The following FSTL5 variants were observed in gnomAD, a reference collection of about 807,000 sequenced individuals.
The protein encoded by FSTL5 is follistatin like 5.
A neutral mutation model predicts 89.1 loss-of-function variants in FSTL5; 62 were observed. The observed-to-expected ratio is 0.70, with a 90% CI of 0.57 to 0.86. FSTL5 has a LOEUF of 0.86. FSTL5 is among the 40% of genes least tolerant of loss of function. FSTL5 has a pLI of 0.00. For synonymous variants in FSTL5, 383 were observed against 346.2 expected (o/e 1.11, Z -1.18); for missense variants, 1,057 against 1,001.6 (o/e 1.06, Z -0.75).
Position 161,784,332 on chromosome 4 carries a change from T to C in FSTL5, c.410-8258A>G, listed in dbSNP as rs137857539. On this transcript the variant is annotated intron_variant, in intron 4 of 15. Coordinates refer to ENST00000306100, the MANE Select transcript of FSTL5 (RefSeq NM_020116.5). The stretch of plus-strand genomic sequence containing the variant: ...TTGTTAATTTTGATTTGTAATTCTG[T>C]GAATTTATATGACTTTTGGTAGTAA... 2.4e-4 allele frequency among the ~76,000 whole-genome samples: 37 copies of C among 152,270 alleles called. 1 individual carries two copies. The East Asian group carries it at 4.6e-3, about 19-fold the overall frequency.
chr4:161,605,108 T>A (rs1460117924), intron 7 of FSTL5, among the ~76,000 whole-genome samples: 11 of 152,182 alleles, frequency 7.2e-5, no homozygotes, highest in Admixed American at 7.2e-4. Context: ...GTACTCATTT[T>A]ATATCCTACT....
chr4:161,532,907 A>G (rs1731468477), intron 10 of FSTL5, among the ~76,000 whole-genome samples: 1 of 152,196 alleles, frequency 6.6e-6, no homozygotes, highest in African/African-American at 2.4e-5. Context: ...AGAAAATAGA[A>G]ATCAATACCA....
At chr4:161,613,536 G>A (rs1369875416) in intron 7 of FSTL5, among the ~76,000 whole-genome samples, 1 of 152,006 alleles carries the variant, frequency 6.6e-6, no homozygotes, top group Non-Finnish European at 1.5e-5. Flanking sequence ...AAGGCAGGAA[G>A]AGGGCGATTA....
intron 10 of FSTL5, among the ~76,000 whole-genome samples, chr4:161,527,107 T>C (rs1432308374): frequency 6.6e-6 from 1 of 152,214 alleles, no homozygotes; most frequent in East Asian, 1.9e-4. Context: ...TTGTGTCCTC[T>C]TTTATTTCAT....
chr4:161,521,708 G>A (rs905702545), intron 10 of FSTL5, among the ~76,000 whole-genome samples: 1 of 151,676 alleles, frequency 6.6e-6, no homozygotes, highest in Non-Finnish European at 1.5e-5. Context: ...AATTAGCCAG[G>A]CTTGGTGGCA....
intron 8 of FSTL5, among the ~76,000 whole-genome samples, chr4:161,556,723 A>G (rs758395525): frequency 2.4e-4 from 36 of 151,258 alleles, no homozygotes; most frequent in Non-Finnish European, 1.3e-4. Flanking sequence ...ATTGCAAACT[A>G]ATATATGTAA....
chr4:161,386,103 C>T lies in FSTL5; in HGVS notation c.2188G>A (p.Ala730Thr), dbSNP rs764053528. Residue 730 changes from alanine to threonine, a missense_variant, in exon 16 of 16, where the codon GCT (alanine) becomes ACT (threonine). Coordinates refer to ENST00000306100, the MANE Select transcript of FSTL5 (RefSeq NM_020116.5). Reference protein sequence around the residue: ...YITIRGEIQEAFDIYTNLHIS... With the variant: ...YITIRGEIQETFDIYTNLHIS... ...TGCAGATTTGTGTAAATATCAAAAG[C>T]CTCCTGTATTTCTCCTCTGATGGTA... is the stretch of plus-strand genomic sequence containing the variant. 8.1e-6 allele frequency: 13 copies of T among 1,614,002 alleles called. No individual in the cohort carries two copies. The highest frequency in any genetic ancestry group is 1.6e-4 in the Middle Eastern group (1 of 6,062).
At chr4:162,137,721 T>C (rs1732572084) in intron 1 of FSTL5, among the ~76,000 whole-genome samples, 2 of 152,184 alleles carry the variant, frequency 1.3e-5, no homozygotes, top group African/African-American at 4.8e-5. Flanking sequence ...GTTTATCCTG[T>C]CTACCAACAT....
intron 11 of FSTL5, among the ~76,000 whole-genome samples, chr4:161,503,510 T>C (rs1730372951): frequency 6.6e-6 from 1 of 151,988 alleles, no homozygotes; most frequent in Non-Finnish European, 1.5e-5. Flanking sequence ...TGTGTGTGCA[T>C]AGATATAATT....
At chr4:161,578,075 A>T (rs1368160661) in intron 8 of FSTL5, among the ~76,000 whole-genome samples, 1 of 152,166 alleles carries the variant, frequency 6.6e-6, no homozygotes, top group African/African-American at 2.4e-5. Flanking sequence ...TCAGCATTCA[A>T]TACACAAATT....
intron 3 of FSTL5, among the ~76,000 whole-genome samples, chr4:161,970,956 T>C (rs1735465746): frequency 6.6e-6 from 1 of 152,120 alleles, no homozygotes; most frequent in Admixed American, 6.6e-5. Context: ...ATTTGTGTAC[T>C]CTCTTTATGT....
At position 161,920,586 on chromosome 4, in the gene FSTL5, C is replaced by G; in HGVS notation, c.227G>C (p.Cys76Ser). The G allele has an allele frequency of 6.2e-7, 1 of 1,613,932 alleles. No individual in the cohort carries two copies. ...TTGCCCTGTCTCTCTGCTGGTAACA[C>G]AGTGTCTTCCCAAACCACAGTACTT... ...ENKYCGLGRH[C>S]VTSRETGQAE... The change falls in exon 4 of 16, where the codon TGT becomes TCT. Residue 76 changes from cysteine (C) to serine (S), a missense_variant. Physicochemically the swap from Cys to Ser is moderately radical, Grantham distance 112. Coordinates refer to ENST00000306100, the MANE Select transcript of FSTL5 (RefSeq NM_020116.5).
At chr4:161,430,601 G>C (rs573020555) in intron 15 of FSTL5, among the ~76,000 whole-genome samples, 1 of 152,258 alleles carries the variant, frequency 6.6e-6, no homozygotes, top group East Asian at 1.9e-4. Context: ...TTAGCCGGGC[G>C]TGGTAGTGGG....
intron 2 of FSTL5, among the ~76,000 whole-genome samples, chr4:162,091,943 T>A (rs1275491442): frequency 1.4e-5 from 2 of 142,280 alleles, no homozygotes; most frequent in Non-Finnish European, 3.1e-5. Context: ...AGACAATATA[T>A]GTATATCTAT....
intron 7 of FSTL5, among the ~76,000 whole-genome samples, chr4:161,639,439 C>G (rs1051028154): frequency 6.6e-6 from 1 of 151,982 alleles, no homozygotes; most frequent in Non-Finnish European, 1.5e-5. Flanking sequence ...ACATTATCAT[C>G]TAAATATATG....
chr4:161,997,281 A>C (rs1427875626), intron 3 of FSTL5, among the ~76,000 whole-genome samples: 3 of 152,112 alleles, frequency 2.0e-5, no homozygotes, highest in Non-Finnish European at 2.9e-5. Context: ...ATTTTTCCTT[A>C]TTGTTTTTCC....
chr4:161,482,828 G>C (rs966642879), intron 12 of FSTL5, among the ~76,000 whole-genome samples: 4 of 152,194 alleles, frequency 2.6e-5, no homozygotes, highest in African/African-American at 4.8e-5. Flanking sequence ...GAAGGCTCTG[G>C]AGTGTCCATT....
intron 2 of FSTL5, among the ~76,000 whole-genome samples, chr4:162,066,588 C>T (rs193013228): frequency 1.4e-5 from 2 of 145,890 alleles, no homozygotes; most frequent in Admixed American, 1.4e-4. Context: ...CCCTTGCCCC[C>T]CCACCCCCTG....
chr4:161,874,330 T>C (rs1319962129), intron 4 of FSTL5, among the ~76,000 whole-genome samples: 1 of 152,078 alleles, frequency 6.6e-6, no homozygotes, highest in Non-Finnish European at 1.5e-5. Context: ...GCTGTTCTGT[T>C]TCAGTTAATA....
Sources: gnomAD v4.1 joint callset for allele counts (sites outside exome capture counted in the v4.1 genomes callset) on GRCh38, gnomAD v4.1.1 for gene constraint, MANE v1.5 for transcripts, NCBI Gene and HGNC (gene_info 2026-07-23, HGNC 2026-07-21) for gene names.